The following IMMP2L variants were observed in gnomAD, a reference collection of about 807,000 sequenced individuals.
IMMP2L encodes inner mitochondrial membrane peptidase subunit 2, also known as mitochondrial inner membrane protease subunit 2.
IMMP2L carries 18 observed loss-of-function variants against 19.3 expected under a neutral mutation model. That is an observed-to-expected ratio of 0.93 (90% CI 0.64 to 1.38). The LOEUF is 1.38. Among genes scored for constraint, IMMP2L ranks in the 40% most tolerant of loss-of-function variants. The pLI is 0.00. For missense variants in IMMP2L, 233 were observed against 218.2 expected, an observed-to-expected ratio of 1.07 and a Z score of -0.43; for synonymous variants, 76 against 73.0, an observed-to-expected ratio of 1.04 and a Z score of -0.21.
intron 3 of IMMP2L, among the ~76,000 whole-genome samples, chr7:111,263,729 A>C (rs1357391061): frequency 6.6e-6 from 1 of 152,124 alleles, no homozygotes; most frequent in Non-Finnish European, 1.5e-5. Context: ...TAATTATTAG[A>C]GATCAGTAAA....
chr7:111,133,066 A>C (rs1801999669), intron 3 of IMMP2L, among the ~76,000 whole-genome samples: 1 of 151,996 alleles, frequency 6.6e-6, no homozygotes, highest in Admixed American at 6.6e-5. Flanking sequence ...GATCAGGTCT[A>C]ATAGTAGCAA....
chr7:110,994,832 A>G (rs1585645733), intron 3 of IMMP2L, among the ~76,000 whole-genome samples: 2 of 152,304 alleles, frequency 1.3e-5, no homozygotes, highest in Admixed American at 1.3e-4. Flanking sequence ...GATATTGTAC[A>G]GCAAGAAGGA....
chr7:110,976,408 T>C (rs1239871808), intron 3 of IMMP2L, among the ~76,000 whole-genome samples: 1 of 152,088 alleles, frequency 6.6e-6, no homozygotes, highest in Admixed American at 6.6e-5. Context: ...ACCCATGTTG[T>C]AGCATGTATC....
At chr7:111,201,458 G>A (rs567970213) in intron 3 of IMMP2L, among the ~76,000 whole-genome samples, 1 of 152,072 alleles carries the variant, frequency 6.6e-6, no homozygotes, top group Non-Finnish European at 1.5e-5. Flanking sequence ...GCTCACACCT[G>A]TAGTCCCAAC....
At chr7:110,992,796 T>C (rs1037484573) in intron 3 of IMMP2L, among the ~76,000 whole-genome samples, 2 of 152,144 alleles carry the variant, frequency 1.3e-5, no homozygotes, top group African/African-American at 4.8e-5. Context: ...GAAATAATGC[T>C]ATAATTAATG....
At chr7:111,102,852 A>G (rs998983056) in intron 3 of IMMP2L, among the ~76,000 whole-genome samples, 4 of 151,584 alleles carry the variant, frequency 2.6e-5, no homozygotes, top group Non-Finnish European at 4.4e-5. Flanking sequence ...TAAAATAATT[A>G]CAATCTTTGA....
intron 3 of IMMP2L, among the ~76,000 whole-genome samples, chr7:111,085,683 C>A (rs1335607020): frequency 3.3e-5 from 5 of 152,088 alleles, no homozygotes; most frequent in Non-Finnish European, 7.4e-5. Flanking sequence ...GACACATGCA[C>A]ATGTATGTTC....
intron 1 of IMMP2L, among the ~76,000 whole-genome samples, chr7:111,525,026 T>C (rs759291734): frequency 6.6e-6 from 1 of 152,100 alleles, no homozygotes; most frequent in South Asian, 2.1e-4. Context: ...CCAGTCCCAG[T>C]CCCTGATCTT....
At chr7:110,902,353 T>C (rs551071320) in intron 4 of IMMP2L, among the ~76,000 whole-genome samples, 15 of 150,984 alleles carry the variant, frequency 9.9e-5, no homozygotes, top group Admixed American at 9.9e-4. Context: ...TAAACCCAGA[T>C]ACCTAAAAGC....
chr7:111,218,386 T>C (rs993904020), intron 3 of IMMP2L, among the ~76,000 whole-genome samples: 2 of 152,124 alleles, frequency 1.3e-5, no homozygotes, highest in Non-Finnish European at 2.9e-5. Flanking sequence ...GTACCTATGC[T>C]ATTATGTTGT....
intron 3 of IMMP2L, among the ~76,000 whole-genome samples, chr7:111,414,101 C>A (rs1834729032): frequency 6.6e-6 from 1 of 151,676 alleles, no homozygotes; most frequent in African/African-American, 2.4e-5. Flanking sequence ...GTGAACTTGA[C>A]CCCCTCCTCA....
chr7:111,472,938 GAAAA>G (rs923372297), intron 3 of IMMP2L, among the ~76,000 whole-genome samples: 53 of 145,746 alleles, frequency 3.6e-4, no homozygotes, highest in African/African-American at 1.3e-3. Context: ...TCTACTAAAA[GAAAA>G]AAAAGAAAGA....
chr7:110,759,745 T>G (rs1798241797), intron 5 of IMMP2L, among the ~76,000 whole-genome samples: 1 of 152,132 alleles, frequency 6.6e-6, no homozygotes, highest in African/African-American at 2.4e-5. Flanking sequence ...AACTTTTATT[T>G]CTAGGGGAAC....
intron 3 of IMMP2L, among the ~76,000 whole-genome samples, chr7:111,272,676 C>G (rs1296243095): frequency 6.6e-6 from 1 of 152,130 alleles, no homozygotes; most frequent in Non-Finnish European, 1.5e-5. Flanking sequence ...AAAGAGCTGA[C>G]CAAGTTCACA....
At chr7:111,212,166 ATCTC>A (rs1455213231) in intron 3 of IMMP2L, among the ~76,000 whole-genome samples, 2 of 151,508 alleles carry the variant, frequency 1.3e-5, no homozygotes, top group Non-Finnish European at 2.9e-5. Flanking sequence ...CTCTGTCTCT[ATCTC>A]TATCTCTCTC....
chr7:110,961,048 G>A lies in IMMP2L; in HGVS notation c.305+2452C>T, dbSNP rs1554473632. ...TATTCACAATACCAAGTGCTGGCAA[G>A]GATGCAAAAAAAACTAGATTCCTTA... On this transcript the variant is annotated intron_variant, in intron 4 of 5. Coordinates refer to ENST00000405709, the MANE Select transcript of IMMP2L (RefSeq NM_032549.4). Among the ~76,000 whole-genome samples, 4 of 151,842 alleles carry A rather than the reference G, an allele frequency of 2.6e-5. No individual in the cohort carries two copies. The Middle Eastern group carries it at 0.01, about 387-fold the overall frequency.
At chr7:110,971,936 T>A (rs1820182211) in intron 3 of IMMP2L, among the ~76,000 whole-genome samples, 1 of 152,100 alleles carries the variant, frequency 6.6e-6, no homozygotes, top group Non-Finnish European at 1.5e-5. Context: ...TAATCAATGA[T>A]ACTATTGTAA....
Position 111,279,512 on chromosome 7 carries a change from A to T in IMMP2L, c.239+207726T>A, listed in dbSNP as rs566605413. On this transcript the variant is annotated intron_variant, in intron 3 of 5. Coordinates refer to ENST00000405709, the MANE Select transcript of IMMP2L (RefSeq NM_032549.4). The stretch of plus-strand genomic sequence containing the variant: ...CAGCAACTAAAAAGCTATTTCTACT[A>T]GCCAAAGGATGCCATCTTGAGATCC... Among the ~76,000 whole-genome samples, 83 of 152,296 alleles carry T rather than the reference A, an allele frequency of 5.4e-4. 1 individual carries two copies. Among genetic ancestry groups the T allele is most frequent in the African/African-American group, 1.9e-3 (79 of 41,574 alleles).
chr7:111,500,581 A>G (rs1173753798), intron 2 of IMMP2L, among the ~76,000 whole-genome samples: 1 of 152,164 alleles, frequency 6.6e-6, no homozygotes, highest in Non-Finnish European at 1.5e-5. Flanking sequence ...GACACCTCAC[A>G]TGGCCGGGTA....
Sources: allele counts gnomAD v4.1 joint callset (sites outside exome capture counted in the v4.1 genomes callset), GRCh38; gene constraint gnomAD v4.1.1; transcripts MANE v1.5; gene names NCBI Gene and HGNC (gene_info 2026-07-23, HGNC 2026-07-21).